LRP1B: variants seen among roughly 807,000 people sequenced by gnomAD.
The protein encoded by LRP1B is low-density lipoprotein receptor-related protein 1B.
Under a neutral mutation model 556.6 loss-of-function variants are expected in LRP1B, and 217 were observed. The observed-to-expected ratio is 0.39, with a 90% CI of 0.35 to 0.44. LRP1B has a LOEUF of 0.44. LRP1B is among the 20% of genes least tolerant of loss of function. The pLI, the probability that LRP1B is intolerant of heterozygous loss-of-function variation, is 1.00. For missense variants in LRP1B, 5,053 were observed against 5,620.8 expected (o/e 0.90, Z 3.23); for synonymous variants, 2,047 against 1,865.8 (o/e 1.10, Z -2.50).
chr2:141,205,758 T>C (rs1374596814), intron 6 of LRP1B, among the ~76,000 whole-genome samples: 1 of 152,142 alleles, frequency 6.6e-6, no homozygotes, highest in Non-Finnish European at 1.5e-5. Context: ...TTGAAAAAAA[T>C]TTAACTAGAA....
chr2:140,694,225 G>C (rs1686346686), intron 41 of LRP1B, among the ~76,000 whole-genome samples: 1 of 152,108 alleles, frequency 6.6e-6, no homozygotes, highest in South Asian at 2.1e-4. Context: ...GGCATTTAAG[G>C]ACACTAGTTT....
intron 1 of LRP1B, among the ~76,000 whole-genome samples, chr2:141,968,208 A>C (rs964920583): frequency 6.6e-6 from 1 of 151,792 alleles, no homozygotes; most frequent in South Asian, 2.1e-4. Context: ...TTGGTGGATG[A>C]TCTAACAACA....
chr2:140,774,047 G>A (rs1302656708), intron 33 of LRP1B, among the ~76,000 whole-genome samples: 1 of 152,036 alleles, frequency 6.6e-6, no homozygotes, highest in African/African-American at 2.4e-5. Flanking sequence ...TGTCAAAAAT[G>A]ATATATTAAG....
chr2:142,093,659 G>C, intron 1 of LRP1B, among the ~76,000 whole-genome samples: 1 of 152,144 alleles, frequency 6.6e-6, no homozygotes, highest in South Asian at 2.1e-4. Flanking sequence ...GTGCATGTGC[G>C]TGGGTTTTAG....
At chr2:140,351,134 T>G in intron 76 of LRP1B, 96 bp from the exon 77 acceptor site, 1 of 831,048 alleles carries the variant, frequency 1.2e-6, no homozygotes, top group East Asian at 2.9e-5. Context: ...ATTATTATTC[T>G]TAATACAGTT....
At chr2:140,492,198 G>T (rs2104861355) in intron 57 of LRP1B, among the ~76,000 whole-genome samples, 1 of 152,150 alleles carries the variant, frequency 6.6e-6, no homozygotes, top group East Asian at 1.9e-4. Flanking sequence ...AAATCCTGAA[G>T]AAAAATGAAC....
chr2:141,048,091 C>G (rs980077356), intron 11 of LRP1B, among the ~76,000 whole-genome samples: 1 of 152,122 alleles, frequency 6.6e-6, no homozygotes, highest in East Asian at 1.9e-4. Flanking sequence ...AGGCAGAAGT[C>G]ATTCCCTAAA....
intron 6 of LRP1B, among the ~76,000 whole-genome samples, chr2:141,211,431 C>G (rs909057635): frequency 6.6e-6 from 1 of 151,860 alleles, no homozygotes; most frequent in African/African-American, 2.4e-5. Flanking sequence ...ACCAGCCTGG[C>G]CAACATGGTG....
intron 1 of LRP1B, among the ~76,000 whole-genome samples, chr2:142,048,378 G>C (rs1340131223): frequency 6.6e-6 from 1 of 152,020 alleles, no homozygotes; most frequent in African/African-American, 2.4e-5. Flanking sequence ...CCCCTCATAA[G>C]TTTTGACTTG....
At chr2:140,818,286 T>G (rs1469444399) in intron 31 of LRP1B, among the ~76,000 whole-genome samples, 3 of 152,162 alleles carry the variant, frequency 2.0e-5, no homozygotes, top group Admixed American at 6.5e-5. Context: ...CTAAATATTC[T>G]TTTTCTGGCA....
At chr2:141,878,556 G>A (rs1211977303) in intron 1 of LRP1B, among the ~76,000 whole-genome samples, 2 of 151,852 alleles carry the variant, frequency 1.3e-5, no homozygotes, top group African/African-American at 4.8e-5. Context: ...ACAGAAAAGA[G>A]TTTAACCAGT....
At chr2:141,113,945 T>A (rs1286359538) in intron 7 of LRP1B, among the ~76,000 whole-genome samples, 1 of 152,242 alleles carries the variant, frequency 6.6e-6, no homozygotes, top group African/African-American at 2.4e-5. Flanking sequence ...AAAGCAACAT[T>A]ATCTATTCCC....
At chr2:141,450,581 A>T (rs190493495) in intron 3 of LRP1B, among the ~76,000 whole-genome samples, 1,649 of 150,636 alleles carry the variant, frequency 0.011, 21 homozygotes, top group Non-Finnish European at 0.016. Flanking sequence ...ATTTTAAAAA[A>T]AAATATATAT....
At chr2:140,574,910 C>A (rs1209512938) in intron 43 of LRP1B, among the ~76,000 whole-genome samples, 2 of 152,180 alleles carry the variant, frequency 1.3e-5, no homozygotes, top group African/African-American at 2.4e-5. Flanking sequence ...AAGAAATATT[C>A]AGCATTCATA....
intron 79 of LRP1B, among the ~76,000 whole-genome samples, chr2:140,331,674 A>ACT (rs1412985919): frequency 8.2e-6 from 1 of 122,474 alleles, no homozygotes; most frequent in East Asian, 2.1e-4. Context: ...GTTAGTTATC[A>ACT]CTATATATAT....
chr2:140,964,106 C>T (rs924292109), intron 18 of LRP1B, among the ~76,000 whole-genome samples: 2 of 128,438 alleles, frequency 1.6e-5, no homozygotes, highest in African/African-American at 2.9e-5. Flanking sequence ...GTCCACTGGA[C>T]AGGGGGCCCT....
At chr2:141,691,909 T>C (rs928711574) in intron 2 of LRP1B, among the ~76,000 whole-genome samples, 1 of 152,004 alleles carries the variant, frequency 6.6e-6, no homozygotes, top group African/African-American at 2.4e-5. Context: ...ATGAAACTTA[T>C]ATTTTTTTGC....
Position 140,792,081 on chromosome 2 carries a change from C to T in LRP1B, c.5360-15843G>A, listed in dbSNP as rs1195293868. On this transcript the variant is annotated intron_variant, in intron 32 of 90. Transcript: ENST00000389484. ...CAAACTTTACTAAAATAACCCTTAT[C>T]TTCCATTAATTCCCCCCATATATTT... Among the ~76,000 whole-genome samples the T allele has an allele frequency of 3.3e-5, 5 of 152,142 alleles. 1 individual carries two copies. In the South Asian group the frequency reaches 8.3e-4, roughly 25 times the overall value.
intron 4 of LRP1B, among the ~76,000 whole-genome samples, chr2:141,251,425 G>T (rs1347635630): frequency 1.3e-5 from 2 of 152,156 alleles, no homozygotes; most frequent in African/African-American, 4.8e-5. Context: ...AGGAGGAGGG[G>T]ATGGGAATGA....
Sources: allele counts gnomAD v4.1 joint callset (sites outside exome capture counted in the v4.1 genomes callset), GRCh38; gene constraint gnomAD v4.1.1; transcripts MANE v1.5; gene names NCBI Gene and HGNC (gene_info 2026-07-23, HGNC 2026-07-21).